Variants in CCDC171 observed in about 807,000 individuals in gnomAD.
The protein encoded by CCDC171 is coiled-coil domain-containing protein 171.
A neutral mutation model predicts 168.2 loss-of-function variants in CCDC171; 177 were observed. The observed-to-expected ratio is 1.05, with a 90% CI of 0.93 to 1.19. The LOEUF is 1.19. Among genes scored for constraint, CCDC171 ranks in the 50% most tolerant of loss-of-function variants. The probability of loss-of-function intolerance (pLI) is 0.00; values close to 1 mark genes in which losing one functional copy is unlikely to be tolerated. For synonymous variants in CCDC171, 687 were observed against 540.8 expected (o/e 1.27, Z -3.75); for missense variants, 1,991 against 1,539.0 (o/e 1.29, Z -4.91).
chr9:16,010,798 A>G (rs1224389536), intron 3 of CCDC171, among the ~76,000 whole-genome samples: 1 of 151,878 alleles, frequency 6.6e-6, no homozygotes, highest in Non-Finnish European at 1.5e-5. Flanking sequence ...AAAAAAGACC[A>G]GTTTATAACC....
intron 9 of CCDC171, among the ~76,000 whole-genome samples, chr9:15,667,799 C>G (rs187033555): frequency 6.6e-6 from 1 of 152,232 alleles, no homozygotes; most frequent in East Asian, 1.9e-4. Flanking sequence ...CTGTTTGTTT[C>G]TTTAATTAAT....
At chr9:15,991,517 G>A (rs1832199560) in intron 3 of CCDC171, among the ~76,000 whole-genome samples, 1 of 151,110 alleles carries the variant, frequency 6.6e-6, no homozygotes, top group South Asian at 2.1e-4. Flanking sequence ...ACAATTAAAA[G>A]AACTAGAGAA....
chr9:15,963,345 C>T (rs60354508), intron 25 of CCDC171, among the ~76,000 whole-genome samples: 16,193 of 151,932 alleles, frequency 0.11, 2,232 homozygotes, highest in African/African-American at 0.32. Context: ...AAAAATCACT[C>T]TTAAAGTTAA....
At chr9:16,027,401 T>C (rs1833294661) in intron 6 of CCDC171, among the ~76,000 whole-genome samples, 1 of 152,106 alleles carries the variant, frequency 6.6e-6, no homozygotes, top group Non-Finnish European at 1.5e-5. Flanking sequence ...GAGGCACTGA[T>C]ACAGCTGGGT....
intron 21 of CCDC171, among the ~76,000 whole-genome samples, chr9:15,793,560 T>TG (rs1461866182): frequency 2.1e-5 from 1 of 48,328 alleles, no homozygotes; most frequent in Non-Finnish European, 5.6e-5. Context: ...GGTTTTTTTT[T>TG]TTTTTTTTTT....
intron 18 of CCDC171, among the ~76,000 whole-genome samples, chr9:15,761,887 G>C (rs1222568241): frequency 1.3e-5 from 2 of 151,958 alleles, no homozygotes; most frequent in Non-Finnish European, 2.9e-5. Context: ...AAAGTCAAAA[G>C]AGTTTTACAG....
intron 8 of CCDC171, 181 bp downstream of exon 8, chr9:15,657,400 G>T: frequency 2.3e-6 from 1 of 444,140 alleles, no homozygotes. Flanking sequence ...TAGTGGAGGA[G>T]TTGGCACACT....
chr9:15,896,657 A>G (rs1231002891), intron 24 of CCDC171, among the ~76,000 whole-genome samples: 1 of 152,036 alleles, frequency 6.6e-6, no homozygotes, highest in Non-Finnish European at 1.5e-5. Context: ...GACCTGATAC[A>G]TTTGCTATCC....
intron 3 of CCDC171, among the ~76,000 whole-genome samples, chr9:15,572,898 C>T (rs1366121595): frequency 6.6e-6 from 1 of 152,146 alleles, no homozygotes; most frequent in Admixed American, 6.5e-5. Flanking sequence ...GTGGCTCATG[C>T]CTATAATCCA....
chr9:16,055,015 A>G (rs1391548117), intron 1 of CCDC171, among the ~76,000 whole-genome samples: 1 of 152,206 alleles, frequency 6.6e-6, no homozygotes, highest in Non-Finnish European at 1.5e-5. Flanking sequence ...TGCGGTGGCC[A>G]GGTGAGAGGG....
At chr9:15,926,236 T>A (rs1339288868) in intron 25 of CCDC171, among the ~76,000 whole-genome samples, 2 of 151,892 alleles carry the variant, frequency 1.3e-5, no homozygotes, top group Non-Finnish European at 1.5e-5. Flanking sequence ...GACTTGGGTC[T>A]TATGGATAGT....
intron 1 of CCDC171, among the ~76,000 whole-genome samples, chr9:16,059,944 A>G (rs1167277180): frequency 6.6e-6 from 1 of 152,126 alleles, no homozygotes; most frequent in Non-Finnish European, 1.5e-5. Flanking sequence ...AGCTAACCTG[A>G]GATGAAGTCT....
At chr9:15,843,205 A>G (rs368014879) in intron 21 of CCDC171, among the ~76,000 whole-genome samples, 3 of 152,176 alleles carry the variant, frequency 2.0e-5, no homozygotes, top group South Asian at 2.1e-4. Flanking sequence ...TGCAATAAAG[A>G]TATTATATAA....
upstream of CCDC171, among the ~76,000 whole-genome samples, chr9:16,039,020 G>T (rs1421048471): frequency 2.0e-5 from 3 of 152,182 alleles, no homozygotes; most frequent in African/African-American, 7.2e-5. Flanking sequence ...AAGAGGAACT[G>T]TGAAATTATA....
intron 7 of CCDC171, among the ~76,000 whole-genome samples, chr9:15,642,537 G>T (rs545212327): frequency 4.0e-5 from 6 of 151,448 alleles, no homozygotes; most frequent in Non-Finnish European, 8.8e-5. Context: ...TGTTCCTCTA[G>T]CACCCTCTGC....
intron 6 of CCDC171, among the ~76,000 whole-genome samples, chr9:15,604,343 T>C (rs185775156): frequency 1.2e-4 from 19 of 152,296 alleles, no homozygotes; most frequent in Admixed American, 4.6e-4. Context: ...AGCTTTTCTA[T>C]TGTGGGACAG....
chr9:15,821,730 AT>A lies in CCDC171; in HGVS notation c.3268-24971del. Among the ~76,000 whole-genome samples, 2 of 117,550 alleles carry A rather than the reference AT, an allele frequency of 1.7e-5. 1 individual carries two copies. Among genetic ancestry groups the A allele is most frequent in the South Asian group, 5.6e-4 (2 of 3,556 alleles). 77.1% of individuals were successfully genotyped at this position (117,550 alleles called of 152,430 possible). On this transcript the variant is annotated intron_variant, in intron 21 of 25. Coordinates refer to ENST00000380701, the MANE Select transcript of CCDC171 (RefSeq NM_173550.4). ...CATTCCATGCTCCTGGGTGGGAAGA[AT>A]CAATATCGTGAAAATGGCCATACTG...
intron 7 of CCDC171, among the ~76,000 whole-genome samples, chr9:15,647,436 C>G (rs2047136904): frequency 6.6e-6 from 1 of 151,846 alleles, no homozygotes; most frequent in Admixed American, 6.6e-5. Flanking sequence ...AAAAACCCTT[C>G]AAAAAATCAA....
At chr9:16,066,923 G>C in the CCDC171 span, among the ~76,000 whole-genome samples, 22 of 144,670 alleles carry the variant, frequency 1.5e-4, no homozygotes, top group African/African-American at 4.1e-4. Context: ...AATAAACATA[G>C]GTGTGCATGT....
Sources: gnomAD v4.1 joint callset for allele counts (sites outside exome capture counted in the v4.1 genomes callset) on GRCh38, gnomAD v4.1.1 for gene constraint, MANE v1.5 for transcripts, NCBI Gene and HGNC (gene_info 2026-07-23, HGNC 2026-07-21) for gene names.